Variants in ANO3 observed in about 807,000 individuals in gnomAD.
ANO3 encodes the protein anoctamin-3.
ANO3 carries 99 observed loss-of-function variants against 144.8 expected under a neutral mutation model. The ratio of observed to expected loss-of-function variants is 0.68; its 90% CI spans 0.58 to 0.81. The LOEUF (loss-of-function observed/expected upper bound fraction) is 0.81. Ranked by LOEUF, ANO3 falls within the 30% of genes least tolerant of loss-of-function variation. The probability of loss-of-function intolerance (pLI) is 0.00; values close to 1 mark genes in which losing one functional copy is unlikely to be tolerated. For synonymous variants in ANO3, 414 were observed against 392.6 expected, an observed-to-expected ratio of 1.05 and a Z score of -0.64; for missense variants, 905 against 1,202.2, an observed-to-expected ratio of 0.75 and a Z score of 3.66.
chr11:26,332,444 T>TTAAAA (rs1855077209), intron 1 of ANO3, 123 bp downstream of exon 1: 1 of 614,824 alleles, frequency 1.6e-6, no homozygotes. Context: ...TCTGTGAAGT[T>TTAAAA]AAAAAAAAAA....
At chr11:26,520,295 A>G (rs1862021829) in intron 6 of ANO3, among the ~76,000 whole-genome samples, 1 of 152,200 alleles carries the variant, frequency 6.6e-6, no homozygotes, top group Non-Finnish European at 1.5e-5. Flanking sequence ...CATTTTTAAA[A>G]AAACTATATT....
chr11:26,632,541 T>A (rs980137038), intron 18 of ANO3, among the ~76,000 whole-genome samples: 2 of 146,934 alleles, frequency 1.4e-5, no homozygotes, highest in Non-Finnish European at 3.0e-5. Context: ...TATATATATA[T>A]AAAATATATA....
intron 1 of ANO3, among the ~76,000 whole-genome samples, chr11:26,210,792 T>C (rs897631464): frequency 3.3e-5 from 5 of 152,142 alleles, no homozygotes; most frequent in African/African-American, 9.7e-5. Context: ...TTGTCTATTA[T>C]TGGTGTATAG....
intron 4 of ANO3, among the ~76,000 whole-genome samples, chr11:26,496,974 G>GTGTA (rs139292554): frequency 1.5e-4 from 20 of 136,512 alleles, no homozygotes; most frequent in East Asian, 6.5e-4. Context: ...AATGTTGTGT[G>GTGTA]TATATATATA....
chr11:26,396,104 C>A (rs988340981), intron 1 of ANO3, among the ~76,000 whole-genome samples: 1 of 152,020 alleles, frequency 6.6e-6, no homozygotes, highest in Admixed American at 6.6e-5. Flanking sequence ...AAGAAAAAAA[C>A]AACCCCCTCA....
chr11:26,609,216 C>T (rs1252896173), intron 17 of ANO3, among the ~76,000 whole-genome samples: 3 of 152,118 alleles, frequency 2.0e-5, no homozygotes, highest in Non-Finnish European at 4.4e-5. Context: ...AGGTGGGCCG[C>T]CACACCACAG....
At chr11:26,197,984 C>T (rs974544171) in intron 1 of ANO3, among the ~76,000 whole-genome samples, 4 of 152,206 alleles carry the variant, frequency 2.6e-5, no homozygotes, top group African/African-American at 7.2e-5. Context: ...TGACTCCAGT[C>T]TCTTCAGTGC....
chr11:26,483,615 G>T, intron 4 of ANO3, among the ~76,000 whole-genome samples: 1 of 152,050 alleles, frequency 6.6e-6, no homozygotes, highest in East Asian at 1.9e-4. Context: ...TTCCTATACA[G>T]CCTGCAGAAC....
chr11:26,636,146 G>C (rs949502344), intron 20 of ANO3, among the ~76,000 whole-genome samples: 3 of 152,188 alleles, frequency 2.0e-5, no homozygotes, highest in Non-Finnish European at 4.4e-5. Flanking sequence ...GATGCAGTGA[G>C]CCATGATCGT....
chr11:26,521,468 C>T (rs1055264776), intron 6 of ANO3, among the ~76,000 whole-genome samples: 5 of 152,052 alleles, frequency 3.3e-5, no homozygotes, highest in African/African-American at 4.8e-5. Flanking sequence ...TCTAAATTTT[C>T]TGCTTGGATG....
At chr11:26,193,555 T>A (rs1194743969) in intron 1 of ANO3, among the ~76,000 whole-genome samples, 5 of 152,184 alleles carry the variant, frequency 3.3e-5, no homozygotes, top group African/African-American at 9.7e-5. Context: ...TTTTTCCTAG[T>A]CTATAATTTG....
At chr11:26,271,283 T>C (rs1853434310) in intron 1 of ANO3, among the ~76,000 whole-genome samples, 1 of 152,232 alleles carries the variant, frequency 6.6e-6, no homozygotes, top group Admixed American at 6.5e-5. Context: ...TTTTTTCTAC[T>C]TCCTATCTAG....
chr11:26,563,085 G>T, intron 14 of ANO3: 2 of 1,606,988 alleles, frequency 1.2e-6, no homozygotes, highest in Middle Eastern at 1.7e-4. Context: ...AAACCACTGT[G>T]CCCAGGTGAA....
intron 1 of ANO3, among the ~76,000 whole-genome samples, chr11:26,200,220 A>G (rs957986426): frequency 1.3e-5 from 2 of 152,204 alleles, no homozygotes; most frequent in African/African-American, 4.8e-5. Flanking sequence ...CTAGGAGCTC[A>G]TAAAAATTTA....
At chr11:26,534,971 C>T (rs1849467716) in intron 9 of ANO3, among the ~76,000 whole-genome samples, 1 of 120,204 alleles carries the variant, frequency 8.3e-6, no homozygotes, top group Admixed American at 9.7e-5. Flanking sequence ...GTAGTACATT[C>T]ATTAAAAGTT....
intron 1 of ANO3, among the ~76,000 whole-genome samples, chr11:26,419,361 CT>C (rs1173654968): frequency 6.6e-6 from 1 of 152,118 alleles, no homozygotes; most frequent in Admixed American, 6.6e-5. Context: ...AGATAAGCCA[CT>C]TTTTCTTATT....
chr11:26,597,059 C>T (rs1312236198), intron 14 of ANO3, among the ~76,000 whole-genome samples: 1 of 152,168 alleles, frequency 6.6e-6, no homozygotes, highest in Non-Finnish European at 1.5e-5. Context: ...GGTTATTTTC[C>T]TCCAATTCTA....
At chr11:26,463,566 C>T (rs1350454459) in intron 4 of ANO3, among the ~76,000 whole-genome samples, 3 of 151,788 alleles carry the variant, frequency 2.0e-5, no homozygotes, top group Non-Finnish European at 4.4e-5. Context: ...TTGAAATATG[C>T]TTCTGGTTGT....
chr11:26,591,002 G>T (rs898833070), intron 14 of ANO3, among the ~76,000 whole-genome samples: 12 of 152,076 alleles, frequency 7.9e-5, no homozygotes, highest in Non-Finnish European at 1.0e-4. Context: ...CCTCCCCCAC[G>T]CTCTCAGGCA....
Sources: allele counts gnomAD v4.1 joint callset (sites outside exome capture counted in the v4.1 genomes callset), GRCh38; gene constraint gnomAD v4.1.1; transcripts MANE v1.5; gene names NCBI Gene and HGNC (gene_info 2026-07-23, HGNC 2026-07-21).